Variants in PLSCR1 observed in about 807,000 individuals in gnomAD.
PLSCR1 encodes PL scramblase 1.
PLSCR1 carries 17 observed loss-of-function variants against 37.8 expected under a neutral mutation model. The observed-to-expected ratio is 0.45, with a 90% CI of 0.31 to 0.68. The LOEUF is 0.68. Ranked by LOEUF, PLSCR1 falls within the 30% of genes least tolerant of loss-of-function variation. PLSCR1 has a pLI of 0.06. For missense variants in PLSCR1, 347 were observed against 380.9 expected (o/e 0.91, Z 0.74); for synonymous variants, 116 against 125.9 (o/e 0.92, Z 0.53).
rs528423914 is a variant in PLSCR1, at chr3:146,534,409, G to C, written c.14-859C>G. 3.7e-4 allele frequency among the ~76,000 whole-genome samples: 57 copies of C among 152,212 alleles called. 1 individual carries two copies. Among genetic ancestry groups the C allele is most frequent in the African/African-American group, 1.1e-3 (46 of 41,518 alleles). The stretch of plus-strand genomic sequence containing the variant: ...TGTAAATTCAAAGTCTTTTGTTTTA[G>C]AATCATGGAGACATGGCATCAATAT... On this transcript the variant is annotated intron_variant, in intron 2 of 8. Coordinates refer to ENST00000342435, the MANE Select transcript of PLSCR1 (RefSeq NM_021105.3).
intron 3 of PLSCR1, among the ~76,000 whole-genome samples, chr3:146,530,301 A>G (rs1008468546): frequency 2.0e-5 from 3 of 152,232 alleles, no homozygotes; most frequent in Admixed American, 6.5e-5. Context: ...GAAAAACAGA[A>G]TAAACCTCAC....
chr3:146,522,902 T>C (rs1253566183), intron 5 of PLSCR1, among the ~76,000 whole-genome samples: 1 of 152,262 alleles, frequency 6.6e-6, no homozygotes. Flanking sequence ...GAGATGTTTA[T>C]GTATATGCAC....
intron 5 of PLSCR1, among the ~76,000 whole-genome samples, chr3:146,523,146 TTGTCTC>T (rs778109865): frequency 6.6e-6 from 1 of 152,216 alleles, no homozygotes; most frequent in Non-Finnish European, 1.5e-5. Flanking sequence ...TCTCTATACT[TTGTCTC>T]TGTGTCTTTT....
At position 146,515,929 on chromosome 3, in the gene PLSCR1, C is replaced by T; in HGVS notation, c.*116G>A. The stretch of plus-strand genomic sequence containing the variant: ...AGAAGATAAACTATAATTTGAAAAG[C>T]AAAAGTATACAACCAGAGCTACAGG... On this transcript the variant is annotated 3_prime_UTR_variant, in exon 9 of 9. Coordinates refer to ENST00000342435, the MANE Select transcript of PLSCR1 (RefSeq NM_021105.3). 3 of 606,180 alleles carry T rather than the reference C, an allele frequency of 4.9e-6. No individual in the cohort carries two copies. The South Asian group carries it at 7.3e-5, about 15-fold the overall frequency. 37.6% of individuals were successfully genotyped at this position (606,180 alleles called of 1,614,324 possible).
At chr3:146,540,534 G>C (rs2044325311) in intron 1 of PLSCR1, among the ~76,000 whole-genome samples, 1 of 152,040 alleles carries the variant, frequency 6.6e-6, no homozygotes. Flanking sequence ...TGTAAAATCT[G>C]GAACCCAAAG....
At chr3:146,516,762 T>C in intron 8 of PLSCR1, 1 of 317,998 alleles carries the variant, frequency 3.1e-6, no homozygotes, top group Non-Finnish European at 5.7e-6. Flanking sequence ...AATCTCTCCT[T>C]AGTACATCTC....
chr3:146,532,786 T>C (rs948906249), intron 3 of PLSCR1, among the ~76,000 whole-genome samples: 1 of 152,192 alleles, frequency 6.6e-6, no homozygotes. Context: ...TCTAGTAGTT[T>C]TGATAACTGC....
chr3:146,532,497 C>T (rs1450544074), intron 3 of PLSCR1, among the ~76,000 whole-genome samples: 3 of 152,182 alleles, frequency 2.0e-5, no homozygotes, highest in African/African-American at 7.2e-5. Context: ...TGCCATGAGC[C>T]ACCACTTGAG....
At chr3:146,530,318 G>T (rs1430248042) in intron 3 of PLSCR1, among the ~76,000 whole-genome samples, 1 of 152,082 alleles carries the variant, frequency 6.6e-6, no homozygotes, top group Non-Finnish European at 1.5e-5. Context: ...TCACAATAAT[G>T]CATCATAAAT....
rs968426848 is a variant in PLSCR1 at position 146,522,090 on chromosome 3, T to C, written c.356-37A>G. 14 of 1,131,438 alleles carry C rather than the reference T, an allele frequency of 1.2e-5. No homozygotes were observed. The African/African-American group carries it at 1.5e-4, about 12-fold the overall frequency. 70.1% of individuals were successfully genotyped at this position (1,131,438 alleles called of 1,614,324 possible). On this transcript the variant is annotated intron_variant, in intron 5 of 8. Transcript: ENST00000342435. Reference sequence around the variant, plus strand: ...AAAGACGAAATCATAATCACCTCTATGTTAAAAATATTGAATTTATCCAGA... The same window carrying C: ...AAAGACGAAATCATAATCACCTCTACGTTAAAAATATTGAATTTATCCAGA...
Position 146,521,912 on chromosome 3 carries a change from T to C in PLSCR1, c.497A>G (p.Asp166Gly), listed in dbSNP as rs2044028240. Reference protein sequence around the residue: ...PSRPFTLRIIDNMGQEVITLE... With the variant: ...PSRPFTLRIIGNMGQEVITLE... Reference sequence around the variant, plus strand: ...AGTTATGACTTCTTGACCCATATTATCAATAATCCTCAAGGTAAAAGGTCT... The same window carrying C: ...AGTTATGACTTCTTGACCCATATTACCAATAATCCTCAAGGTAAAAGGTCT... Residue 166 changes from aspartate to glycine, a missense_variant, in exon 6 of 9, where the codon GAT becomes GGT. Physicochemically the swap from Asp to Gly is moderately conservative, Grantham distance 94 (BLOSUM62 -1). Coordinates refer to ENST00000342435, the MANE Select transcript of PLSCR1 (RefSeq NM_021105.3). 1 of 1,613,688 alleles carries C rather than the reference T, an allele frequency of 6.2e-7. No individual in the cohort carries two copies.
chr3:146,538,378 A>G (rs1822536), intron 1 of PLSCR1, among the ~76,000 whole-genome samples: 11,142 of 152,254 alleles, frequency 0.073, 547 homozygotes, highest in Admixed American at 0.12. Flanking sequence ...TAAAATGCCA[A>G]TTTTTTAAAA....
Position 146,521,927 on chromosome 3 carries a change from G to A in PLSCR1, c.482C>T (p.Thr161Ile), listed in dbSNP as rs371640197. Residue 161 changes from threonine (T) to isoleucine (I), a missense_variant, in exon 6 of 9, where the codon ACC becomes ATC. Coordinates refer to ENST00000342435, the MANE Select transcript of PLSCR1 (RefSeq NM_021105.3). ...RNCCGPSRPF[T>I]LRIIDNMGQE... ...ACCCATATTATCAATAATCCTCAAG[G>A]TAAAAGGTCTAGATGGCCCACAGCA... is the stretch of plus-strand genomic sequence containing the variant. The A allele has an allele frequency of 3.1e-5, 50 of 1,613,144 alleles. No individual in the cohort carries two copies. In the African/African-American group the frequency reaches 6.0e-4, roughly 19 times the overall value.
At chr3:146,535,393 G>A (rs992709521) in intron 2 of PLSCR1, among the ~76,000 whole-genome samples, 1 of 152,056 alleles carries the variant, frequency 6.6e-6, no homozygotes, top group Non-Finnish European at 1.5e-5. Flanking sequence ...GAATGGGCAG[G>A]TGTTCAAGCA....
intron 3 of PLSCR1, among the ~76,000 whole-genome samples, chr3:146,530,818 A>C (rs1358669896): frequency 6.6e-6 from 1 of 152,196 alleles, no homozygotes; most frequent in Non-Finnish European, 1.5e-5. Context: ...TATGATTGGC[A>C]AGTACTGGAG....
chr3:146,543,779 T>C (rs923215818), intron 1 of PLSCR1, among the ~76,000 whole-genome samples: 3 of 152,206 alleles, frequency 2.0e-5, no homozygotes, highest in Non-Finnish European at 2.9e-5. Flanking sequence ...ATTTAATAGT[T>C]ACACAATTTC....
chr3:146,528,214 CTCTT>C (rs1229715488), intron 4 of PLSCR1: 2 of 170,168 alleles, frequency 1.2e-5, no homozygotes, highest in African/African-American at 4.8e-5. Context: ...ACAGTCTTGA[CTCTT>C]TAGGTTCTCA....
At chr3:146,526,892 A>G (rs1466945487) in intron 4 of PLSCR1, among the ~76,000 whole-genome samples, 1 of 152,218 alleles carries the variant, frequency 6.6e-6, no homozygotes. Flanking sequence ...CTGTAATCCC[A>G]GCATTTTGGG....
In PLSCR1 at chr3:146,533,526, G is replaced by A. The variant is rs751399559; in HGVS notation, c.38C>T (p.Pro13Leu). The change falls in exon 3 of 9, where the codon CCG becomes CTG. Residue 13 changes from proline (P) to leucine (L), a missense_variant. By Grantham distance (98) the Pro-to-Leu change is moderately conservative. Transcript: ENST00000342435. ...ATACCCAACTGGCAAGTTTGTTTCC[G>A]GGTGAGAAGCATTCATCTGTGAGTC... ...KQNSQMNASH[P>L]ETNLPVGYPP... 1.1e-5 allele frequency: 17 copies of A among 1,606,044 alleles called. No individual in the cohort carries two copies. The highest frequency in any genetic ancestry group is 2.2e-5 in the South Asian group (2 of 90,244).
Sources: gnomAD v4.1 joint callset for allele counts (sites outside exome capture counted in the v4.1 genomes callset) on GRCh38, gnomAD v4.1.1 for gene constraint, MANE v1.5 for transcripts, NCBI Gene and HGNC (gene_info 2026-07-23, HGNC 2026-07-21) for gene names.